UGT1A10: variants seen among roughly 807,000 people sequenced by gnomAD.
The protein encoded by UGT1A10 is UDP glucuronosyltransferase family 1 member A10.
A neutral mutation model predicts 45.8 loss-of-function variants in UGT1A10; 49 were observed. The ratio of observed to expected loss-of-function variants is 1.07; its 90% CI spans 0.85 to 1.36. The LOEUF (loss-of-function observed/expected upper bound fraction) is 1.36. Among genes scored for constraint, UGT1A10 ranks in the 40% most tolerant of loss-of-function variants. The pLI is 0.00. For missense variants in UGT1A10, 745 were observed against 668.6 expected (o/e 1.11, Z -1.26); for synonymous variants, 284 against 249.7 (o/e 1.14, Z -1.29).
intron 1 of UGT1A10, among the ~76,000 whole-genome samples, chr2:233,684,305 C>T (rs918223536): frequency 8.5e-5 from 13 of 152,174 alleles, no homozygotes; most frequent in Non-Finnish European, 1.8e-4. Context: ...CAAGACCAGG[C>T]GAGGAGATGC....
chr2:233,725,566 C>T (rs559123427), intron 1 of UGT1A10, among the ~76,000 whole-genome samples: 223 of 152,120 alleles, frequency 1.5e-3, no homozygotes, highest in African/African-American at 5.2e-3. Context: ...AACATATATT[C>T]GATATAAGAT....
chr2:233,733,095 G>A (rs1341199680), intron 1 of UGT1A10, among the ~76,000 whole-genome samples: 1 of 152,176 alleles, frequency 6.6e-6, no homozygotes, highest in Non-Finnish European at 1.5e-5. Context: ...GTTCACTCAT[G>A]GTTTGGCTCT....
At chr2:233,719,798 T>C (rs2125672120) in intron 1 of UGT1A10, 1 of 1,604,450 alleles carries the variant, frequency 6.2e-7, no homozygotes, top group Non-Finnish European at 8.5e-7. Flanking sequence ...GATTTTATTT[T>C]GGCTTCTTTA....
At chr2:233,668,775 A>G (rs1400222174) in intron 1 of UGT1A10, among the ~76,000 whole-genome samples, 1 of 152,176 alleles carries the variant, frequency 6.6e-6, no homozygotes, top group Admixed American at 6.5e-5. Flanking sequence ...ACCAAAGTCT[A>G]TGTTTTCTTT....
chr2:233,722,527 A>G (rs1427229559), intron 1 of UGT1A10, among the ~76,000 whole-genome samples: 1 of 152,148 alleles, frequency 6.6e-6, no homozygotes, highest in African/African-American at 2.4e-5. Context: ...TTTTTGCCTT[A>G]ATGATTTCAT....
intron 1 of UGT1A10, among the ~76,000 whole-genome samples, chr2:233,651,896 G>T (rs565619652): frequency 4.7e-4 from 71 of 152,194 alleles, no homozygotes; most frequent in African/African-American, 1.7e-3. Flanking sequence ...AAAACTCATT[G>T]AGTCTATCCA....
chr2:233,765,140 A>C lies in UGT1A10; in HGVS notation c.856-1894A>C, dbSNP rs1698761038. 3.3e-5 allele frequency among the ~76,000 whole-genome samples: 5 copies of C among 152,146 alleles called. No individual in the cohort carries two copies. In the South Asian group the frequency reaches 1.0e-3, roughly 32 times the overall value. ...TGTTCAGGTTTTAGCACTGAACATCACATGTCCTAGGGAACCCCTCAGTTT... is the reference window on the plus strand; with the variant it reads ...TGTTCAGGTTTTAGCACTGAACATCCCATGTCCTAGGGAACCCCTCAGTTT... On this transcript the variant is annotated intron_variant, in intron 1 of 4. Transcript: ENST00000344644.
chr2:233,674,014 C>T (rs1419958032), intron 1 of UGT1A10, among the ~76,000 whole-genome samples: 1 of 152,118 alleles, frequency 6.6e-6, no homozygotes, highest in African/African-American at 2.4e-5. Flanking sequence ...ATGACAAATA[C>T]CAGAATAACA....
At chr2:233,693,234 T>C in intron 1 of UGT1A10, 1 of 1,614,090 alleles carries the variant, frequency 6.2e-7, no homozygotes, top group Non-Finnish European at 8.5e-7. Flanking sequence ...ACAAGAAAAA[T>C]CTATCCAGTG....
intron 1 of UGT1A10, among the ~76,000 whole-genome samples, chr2:233,750,999 T>G (rs560264893): frequency 6.6e-6 from 1 of 151,774 alleles, no homozygotes; most frequent in Non-Finnish European, 1.5e-5. Flanking sequence ...GCCACCATCC[T>G]CCAGAATCCC....
intron 1 of UGT1A10, chr2:233,718,687 G>C (rs878940196): frequency 1.1e-5 from 18 of 1,583,966 alleles, no homozygotes; most frequent in Admixed American, 9.0e-5. Context: ...TAAGTAACTG[G>C]AGGAGGGCAC....
At chr2:233,672,865 G>T in intron 1 of UGT1A10, 1 of 1,520,894 alleles carries the variant, frequency 6.6e-7, no homozygotes, top group Non-Finnish European at 8.8e-7. Context: ...ACTGAACTGT[G>T]ATTTGACATT....
At chr2:233,743,730 C>T (rs189214805) in intron 1 of UGT1A10, 23 of 1,367,266 alleles carry the variant, frequency 1.7e-5, no homozygotes, top group South Asian at 3.4e-5. Context: ...TCATAGATAT[C>T]GCGTTTCTTG....
chr2:233,748,145 T>A, intron 1 of UGT1A10: 1 of 1,605,604 alleles, frequency 6.2e-7, no homozygotes, highest in Non-Finnish European at 8.5e-7. Flanking sequence ...TTGTATTTAC[T>A]TACAATTGCT....
chr2:233,721,383 C>T (rs2076941524), intron 1 of UGT1A10: 1 of 152,770 alleles, frequency 6.5e-6, no homozygotes, highest in South Asian at 2.1e-4. Context: ...TCTTCACTCT[C>T]ATTTTTCTAG....
intron 1 of UGT1A10, chr2:233,761,111 T>C: frequency 6.2e-7 from 1 of 1,614,220 alleles, no homozygotes; most frequent in Non-Finnish European, 8.5e-7. Context: ...ATGGTTTTTG[T>C]TGGTGGAATC....
chr2:233,652,595 C>T (rs541648162), intron 1 of UGT1A10, among the ~76,000 whole-genome samples: 1 of 152,212 alleles, frequency 6.6e-6, no homozygotes, highest in South Asian at 2.1e-4. Context: ...AATGAAATTT[C>T]CCCTAATTGT....
rs558465100 is a variant in UGT1A10, at chr2:233,752,900, G to C, written c.856-14134G>C. 2.3e-4 allele frequency among the ~76,000 whole-genome samples: 35 copies of C among 152,364 alleles called. No individual in the cohort carries two copies. The South Asian group carries it at 6.8e-3, about 30-fold the overall frequency. ...GTTAAAACTAGCCAGCGTTGTTACA[G>C]ATCCACCTCTGAGTGACACTGGTAT... On this transcript the variant is annotated intron_variant, in intron 1 of 4. Transcript: ENST00000344644.
chr2:233,639,714 G>T (rs28969690), intron 1 of UGT1A10, among the ~76,000 whole-genome samples: 67 of 152,326 alleles, frequency 4.4e-4, no homozygotes, highest in African/African-American at 1.2e-3. Context: ...GAGAATTACA[G>T]CCAGGGATGT....
Sources: allele counts gnomAD v4.1 joint callset (sites outside exome capture counted in the v4.1 genomes callset), GRCh38; gene constraint gnomAD v4.1.1; transcripts MANE v1.5; gene names NCBI Gene and HGNC (gene_info 2026-07-23, HGNC 2026-07-21).